The following SEPTIN9 variants were observed in gnomAD, a reference collection of about 807,000 sequenced individuals.
SEPTIN9 encodes the protein septin 9, also known as septin-9.
In SEPTIN9, 13 loss-of-function variants were observed where a neutral mutation model predicts 56.6. That is an observed-to-expected ratio of 0.23 (90% confidence interval 0.15 to 0.37). The LOEUF is 0.37. SEPTIN9 is among the 10% of genes least tolerant of loss of function. The pLI is 1.00. For missense variants in SEPTIN9, 650 were observed against 823.1 expected (o/e 0.79, Z 2.57); for synonymous variants, 332 against 334.1 (o/e 0.99, Z 0.07).
chr17:77,358,594 G>A lies in SEPTIN9; in HGVS notation c.77-43465G>A, dbSNP rs564723176. ...GTGGAGGTTGCAGTGAGCCGAGATC[G>A]CACCACTCCTCTCTAGGCTAGGCAA... On this transcript the variant is annotated intron_variant, in intron 2 of 11. Transcript: ENST00000427177. Among the ~76,000 whole-genome samples the A allele has an allele frequency of 2.1e-3, 313 of 152,062 alleles. 3 individuals carry two copies. The highest frequency in any genetic ancestry group is 4.5e-3 in the African/African-American group (185 of 41,448).
At chr17:77,452,443 C>T (rs1256064988) in intron 3 of SEPTIN9, among the ~76,000 whole-genome samples, 1 of 152,208 alleles carries the variant, frequency 6.6e-6, no homozygotes, top group Non-Finnish European at 1.5e-5. Flanking sequence ...ATCCCTGGCC[C>T]CTCTCTCTTT....
chr17:77,490,704 T>A, intron 7 of SEPTIN9, 38 bp from the exon 8 acceptor site: 1 of 1,483,338 alleles, frequency 6.7e-7, no homozygotes, highest in Non-Finnish European at 9.2e-7. Flanking sequence ...ACTGCCCCGC[T>A]CCCCCAGATG....
At chr17:77,490,280 T>C (rs1242304517) in intron 7 of SEPTIN9, among the ~76,000 whole-genome samples, 5 of 152,124 alleles carry the variant, frequency 3.3e-5, no homozygotes, top group Non-Finnish European at 7.4e-5. Context: ...GACCCCAGGC[T>C]CACTGGGGCC....
At chr17:77,355,786 TC>T (rs1455918587) in intron 2 of SEPTIN9, among the ~76,000 whole-genome samples, 1 of 151,468 alleles carries the variant, frequency 6.6e-6, no homozygotes, top group Admixed American at 6.6e-5. Context: ...ATCGAGACCA[TC>T]CTGGCTAACA....
chr17:77,457,299 C>G (rs1184929668), intron 3 of SEPTIN9, among the ~76,000 whole-genome samples: 2 of 152,246 alleles, frequency 1.3e-5, no homozygotes, highest in African/African-American at 4.8e-5. Context: ...ATGCCTCAGG[C>G]CTCCCGTGAG....
Position 77,493,692 on chromosome 17 carries a change from A to G in SEPTIN9, c.1573+616A>G, listed in dbSNP as rs573883695. Among the ~76,000 whole-genome samples, 4 of 151,350 alleles carry G rather than the reference A, an allele frequency of 2.6e-5. No homozygotes were observed. In the South Asian group the frequency reaches 8.4e-4, roughly 32 times the overall value. On this transcript the variant is annotated intron_variant, in intron 10 of 11. Transcript: ENST00000427177. ...GCATTCCTAGTTGTATTGTAAAGGC[A>G]TCACATGCTCTAATCTCTGCCCCAT...
Position 77,475,101 on chromosome 17 carries a change from G to A in SEPTIN9, c.722-7043G>A, listed in dbSNP as rs1379128780. 2 of 426,594 alleles carry A rather than the reference G, an allele frequency of 4.7e-6. No homozygotes were observed. Among genetic ancestry groups the A allele is most frequent in the Non-Finnish European group, 6.7e-6 (2 of 297,270 alleles). The allele number at this position is 426,594 out of a possible 1,614,324, so 26.4% of individuals were successfully genotyped here. A position where few individuals can be genotyped will look rare whatever the true frequency, so the allele number is the denominator to read the frequency against. ...TCTTCATTTGTTCATTCATTCACCA[G>A]ACTTTTTGCCGGGGCTTGCCGTGAG... On this transcript the variant is annotated intron_variant, in intron 3 of 11. Coordinates refer to ENST00000427177, the MANE Select transcript of SEPTIN9 (RefSeq NM_001113491.2). The surrounding 1 kb of genome is among the most constrained non-coding windows in gnomAD (Gnocchi z 4.6).
Position 77,481,333 on chromosome 17 carries a change from C to T in SEPTIN9, c.722-811C>T, listed in dbSNP as rs771672021. Among the ~76,000 whole-genome samples the T allele has an allele frequency of 6.4e-4, 98 of 152,242 alleles. 1 individual carries two copies. The highest frequency in any genetic ancestry group is 1.3e-3 in the Non-Finnish European group (90 of 68,046). ...GGTCTTGGCCTGTGGGTGTGCAGCC[C>T]GTGGGCGCTGGCCAGGCACACAAGA... On this transcript the variant is annotated intron_variant, in intron 3 of 11. Transcript: ENST00000427177.
At chr17:77,307,568 T>C (rs2032320787) in intron 2 of SEPTIN9, among the ~76,000 whole-genome samples, 1 of 152,058 alleles carries the variant, frequency 6.6e-6, no homozygotes, top group Non-Finnish European at 1.5e-5. Context: ...CTCTCGGTGT[T>C]GGTTCAGTAT....
chr17:77,442,702 G>A (rs868112731), intron 3 of SEPTIN9, among the ~76,000 whole-genome samples: 5 of 151,322 alleles, frequency 3.3e-5, no homozygotes, highest in South Asian at 4.2e-4. Context: ...GTGAAACCCC[G>A]TCTCTACTAA....
chr17:77,475,551 G>GGCCGTAGGGCT lies in SEPTIN9; in HGVS notation c.722-6588_722-6578dup. 4 of 1,612,994 alleles carry GGCCGTAGGGCT rather than the reference G, an allele frequency of 2.5e-6. No individual in the cohort carries two copies. The highest frequency in any genetic ancestry group is 3.4e-6 in the Non-Finnish European group (4 of 1,179,770). On this transcript the variant is annotated intron_variant, in intron 3 of 11. Coordinates refer to ENST00000427177, the MANE Select transcript of SEPTIN9 (RefSeq NM_001113491.2). This position sits in a 1 kb window ranked among gnomAD's most constrained non-coding sequence, Gnocchi z 4.6. ...CAAGTTTCTGGGAAGGCCTGCAGGT[G>GGCCGTAGGGCT]GCCGTAGGGCTGCCGCAGGGGTGCT...
chr17:77,329,647 GT>G lies in SEPTIN9; in HGVS notation c.76+22451del, dbSNP rs2033272476. 1.3e-5 allele frequency among the ~76,000 whole-genome samples: 2 copies of G among 152,132 alleles called. No homozygotes were observed. The highest frequency in any genetic ancestry group is 2.9e-5 in the Non-Finnish European group (2 of 68,006). ...GGGCAGGGACATGGTGAGCCCTGGT[GT>G]GATGCACTTAACACCTGCTGGTGCC... On this transcript the variant is annotated intron_variant, in intron 2 of 11. Coordinates refer to ENST00000427177, the MANE Select transcript of SEPTIN9 (RefSeq NM_001113491.2). This position sits in a 1 kb window ranked among gnomAD's most constrained non-coding sequence, Gnocchi z 4.3.
At chr17:77,351,228 A>AACACACACACACACACAC (rs10537405) in intron 2 of SEPTIN9, among the ~76,000 whole-genome samples, 1 of 144,652 alleles carries the variant, frequency 6.9e-6, no homozygotes, top group Non-Finnish European at 1.5e-5. Flanking sequence ...GCGTGCACAC[A>AACACACACACACACACAC]ACACACACAC....
In SEPTIN9 at chr17:77,371,948, C is replaced by T. The variant is rs575635910; in HGVS notation, c.77-30111C>T. Among the ~76,000 whole-genome samples, 1 of 152,322 alleles carries T rather than the reference C, an allele frequency of 6.6e-6. No homozygotes were observed. Among genetic ancestry groups the T allele is most frequent in the Non-Finnish European group, 1.5e-5 (1 of 68,030 alleles). ...TTTTCCGCAAGAGACCCCCTGCCCC[C>T]CGCCTCTCCAGAATGGCTGGAGAGT... On this transcript the variant is annotated intron_variant, in intron 2 of 11. Transcript: ENST00000427177. This position sits in a 1 kb window ranked among gnomAD's most constrained non-coding sequence, Gnocchi z 4.1.
intron 3 of SEPTIN9, among the ~76,000 whole-genome samples, chr17:77,417,121 C>T (rs1240327903): frequency 6.6e-6 from 1 of 152,198 alleles, no homozygotes; most frequent in African/African-American, 2.4e-5. Context: ...CTCAGTTTCC[C>T]CATTTATAGA....
chr17:77,479,185 C>T (rs111459021), intron 3 of SEPTIN9, among the ~76,000 whole-genome samples: 2 of 152,234 alleles, frequency 1.3e-5, no homozygotes, highest in African/African-American at 4.8e-5. Flanking sequence ...GGAAAAGTCA[C>T]GTGGCCAGTG....
intron 1 of SEPTIN9, chr17:77,281,897 C>G (rs2031042078): frequency 2.9e-6 from 1 of 350,172 alleles, no homozygotes; most frequent in African/African-American, 2.2e-5. Flanking sequence ...TGAATGGGGT[C>G]GGGGCTAGGT....
chr17:77,419,474 G>A (rs1439496641), intron 3 of SEPTIN9, among the ~76,000 whole-genome samples: 2 of 152,110 alleles, frequency 1.3e-5, no homozygotes, highest in South Asian at 2.1e-4. Flanking sequence ...AAGAGGGGCC[G>A]TAATCAGCAG....
intron 10 of SEPTIN9, 198 bp from the exon 11 acceptor site, chr17:77,497,117 C>T (rs749791012): frequency 3.0e-5 from 20 of 660,144 alleles, no homozygotes; most frequent in Non-Finnish European, 5.6e-5. Context: ...CTGGTCACTC[C>T]AGTATCCCCC....
Sources: gnomAD v4.1 joint callset for allele counts (sites outside exome capture counted in the v4.1 genomes callset) on GRCh38, gnomAD v4.1.1 for gene constraint, Gnocchi (gnomAD v3.1) non-coding constraint, MANE v1.5 for transcripts, NCBI Gene and HGNC (gene_info 2026-07-23, HGNC 2026-07-21) for gene names.